CLDN16: variants seen among roughly 807,000 people sequenced by gnomAD.
CLDN16 encodes claudin 16.
A neutral mutation model predicts 24.6 loss-of-function variants in CLDN16; 13 were observed. The observed-to-expected ratio is 0.53, with a 90% confidence interval of 0.34 to 0.84. The LOEUF (loss-of-function observed/expected upper bound fraction) is 0.84. Ranked by LOEUF, CLDN16 falls within the 40% of genes least tolerant of loss-of-function variation. The pLI is 0.01. For synonymous variants in CLDN16, 116 were observed against 106.7 expected (o/e 1.09, Z -0.54); for missense variants, 298 against 292.7 (o/e 1.02, Z -0.13).
chr3:190,380,667 A>G (rs1050211455), intron 3 of CLDN16, among the ~76,000 whole-genome samples: 1 of 152,104 alleles, frequency 6.6e-6, no homozygotes, highest in Non-Finnish European at 1.5e-5. Context: ...ACAATTTATT[A>G]TGCATCTAAC....
Position 190,408,453 on chromosome 3 carries a change from G to A in CLDN16, c.522G>A (p.Leu174=), listed in dbSNP as rs767423701. Residue 174 remains leucine (L), a synonymous_variant, in exon 4 of 5, where the codon CTG becomes CTA. Coordinates refer to ENST00000264734, the MANE Select transcript of CLDN16 (RefSeq NM_006580.4). Reference sequence around the variant, plus strand: ...GTTGGCTCGGAATGGCTGGGTCTCTGGGTTGCTTTTTGGCTGGAGCTGTTC... The same window carrying A: ...GTTGGCTCGGAATGGCTGGGTCTCTAGGTTGCTTTTTGGCTGGAGCTGTTC... ...WSCWLGMAGS[L]GCFLAGAVLT... 18 of 1,613,808 alleles carry A rather than the reference G, an allele frequency of 1.1e-5. No homozygotes were observed. Among genetic ancestry groups the A allele is most frequent in the Middle Eastern group, 3.3e-4 (2 of 6,082 alleles).
chr3:190,362,213 C>A (rs896330260), intron 1 of CLDN16, among the ~76,000 whole-genome samples: 3 of 151,892 alleles, frequency 2.0e-5, no homozygotes, highest in Non-Finnish European at 4.4e-5. Flanking sequence ...AAGAACGAAC[C>A]CTGGGTGTTA....
intron 2 of CLDN16, 61 bp downstream of exon 2, chr3:190,402,500 A>C (rs768289133): frequency 2.3e-6 from 3 of 1,303,686 alleles, no homozygotes; most frequent in Non-Finnish European, 3.3e-6. Context: ...AACTGAGTTC[A>C]GGTTTCCATT....
At chr3:190,291,755 A>G in the CLDN16 span, among the ~76,000 whole-genome samples, 1 of 152,198 alleles carries the variant, frequency 6.6e-6, no homozygotes, top group Non-Finnish European at 1.5e-5. Flanking sequence ...CCAAGATACA[A>G]TGGGGATACA....
the CLDN16 span, among the ~76,000 whole-genome samples, chr3:190,314,177 A>T: frequency 6.6e-6 from 1 of 152,082 alleles, no homozygotes; most frequent in Non-Finnish European, 1.5e-5. Flanking sequence ...GGAACAATTG[A>T]CTCCTTGATG....
upstream of CLDN16, among the ~76,000 whole-genome samples, chr3:190,320,478 A>G (rs1716889788): frequency 6.6e-6 from 1 of 152,224 alleles, no homozygotes; most frequent in Non-Finnish European, 1.5e-5. Context: ...GAGGGCAATG[A>G]GCAACACATA....
At chr3:190,306,432 T>C in the CLDN16 span, 1 of 152,216 alleles carries the variant, frequency 6.6e-6, no homozygotes, top group African/African-American at 2.4e-5. Flanking sequence ...CACCAAAACG[T>C]ATGCAGTTAA....
upstream of CLDN16, among the ~76,000 whole-genome samples, chr3:190,386,767 A>G (rs1718508520): frequency 6.6e-6 from 1 of 152,184 alleles, no homozygotes; most frequent in African/African-American, 2.4e-5. Context: ...TATTCCACCT[A>G]TGGTTTTCCA....
At position 190,408,375 on chromosome 3, in the gene CLDN16, T is replaced by G; in HGVS notation, c.444T>G (p.Thr148=). The G allele has an allele frequency of 6.2e-7, 1 of 1,614,194 alleles. No individual in the cohort carries two copies. Among genetic ancestry groups the G allele is most frequent in the Non-Finnish European group, 8.5e-7 (1 of 1,180,028 alleles). The part of the protein sequence containing the change: ...YAVDVYVERS[T]LVLHNIFLGI... Reference sequence around the variant, plus strand: ...TTGATGTGTATGTGGAACGTTCTACTTTGGTTTTGCACAATATATTTCTTG... The same window carrying G: ...TTGATGTGTATGTGGAACGTTCTACGTTGGTTTTGCACAATATATTTCTTG... Residue 148 remains threonine (T), a synonymous_variant, in exon 4 of 5, where the codon ACT becomes ACG. Transcript: ENST00000264734.
At chr3:190,381,775 G>A (rs1271678305) in intron 3 of CLDN16, among the ~76,000 whole-genome samples, 2 of 152,092 alleles carry the variant, frequency 1.3e-5, no homozygotes, top group Non-Finnish European at 2.9e-5. Flanking sequence ...CATGAGTGCA[G>A]TGATAAGGAC....
chr3:190,408,616 ATTGCC>A, intron 4 of CLDN16, 111 bp downstream of exon 4: 16 of 1,005,870 alleles, frequency 1.6e-5, no homozygotes, highest in Non-Finnish European at 2.1e-5. Context: ...ATTCCTACCT[ATTGCC>A]ATTAAAAATT....
chr3:190,409,995 A>G lies in CLDN16; in HGVS notation c.667A>G (p.Thr223Ala). The G allele has an allele frequency of 6.2e-7, 1 of 1,614,090 alleles. No individual in the cohort carries two copies. Among genetic ancestry groups the G allele is most frequent in the African/African-American group, 1.3e-5 (1 of 75,038 alleles). ...SMAKSYSAPR[T>A]ETAKMYAVDT... ...GGCCAAGTCATACTCAGCCCCTCGC[A>G]CAGAGACGGCCAAAATGTATGCTGT... is the stretch of plus-strand genomic sequence containing the variant. Residue 223 changes from threonine (T) to alanine (A), a missense_variant, in exon 5 of 5, where the codon ACA becomes GCA. Transcript: ENST00000264734.
chr3:190,333,512 A>G (rs1266158864), intron 1 of CLDN16, among the ~76,000 whole-genome samples: 1 of 149,230 alleles, frequency 6.7e-6, no homozygotes, highest in East Asian at 2.0e-4. Context: ...CTATGTAGCT[A>G]AAACAATTAT....
the CLDN16 span, among the ~76,000 whole-genome samples, chr3:190,300,366 G>T: frequency 3.5e-5 from 5 of 143,600 alleles, no homozygotes; most frequent in Admixed American, 1.3e-4. Context: ...TGGCCACAAG[G>T]CTTTATAAGA....
At chr3:190,321,943 G>GT, upstream of CLDN16, 1 of 1,521,494 alleles carries the variant, frequency 6.6e-7, no homozygotes, top group Non-Finnish European at 9.1e-7. Context: ...CAGGGGGACT[G>GT]GGGCCTCTGG....
chr3:190,381,561 GC>G (rs985968992), intron 3 of CLDN16, among the ~76,000 whole-genome samples: 1 of 151,896 alleles, frequency 6.6e-6, no homozygotes, highest in African/African-American at 2.4e-5. Flanking sequence ...CTGCCTCTAG[GC>G]CCTTGATAAT....
the CLDN16 span, among the ~76,000 whole-genome samples, chr3:190,294,937 G>A: frequency 6.6e-6 from 1 of 152,070 alleles, no homozygotes; most frequent in Admixed American, 6.6e-5. Flanking sequence ...AAAATATAAT[G>A]TGGAGACTGT....
the CLDN16 span, among the ~76,000 whole-genome samples, chr3:190,294,463 T>C: frequency 1.3e-5 from 2 of 152,160 alleles, no homozygotes; most frequent in Non-Finnish European, 2.9e-5. Flanking sequence ...TGAATGTAAA[T>C]TAATTTAATT....
At chr3:190,363,565 T>C (rs1432538161) in intron 1 of CLDN16, among the ~76,000 whole-genome samples, 7,743 of 115,326 alleles carry the variant, frequency 0.067, 843 homozygotes, top group Non-Finnish European at 0.087. Flanking sequence ...TGTATATATA[T>C]ATATATATAT....
Sources: gnomAD v4.1 joint callset for allele counts (sites outside exome capture counted in the v4.1 genomes callset) on GRCh38, gnomAD v4.1.1 for gene constraint, MANE v1.5 for transcripts, NCBI Gene and HGNC (gene_info 2026-07-23, HGNC 2026-07-21) for gene names.